Variants in AJAP1 observed in about 807,000 individuals in gnomAD.
AJAP1 encodes adherens junction-associated protein 1.
In AJAP1, 5 loss-of-function variants were observed where a neutral mutation model predicts 35.0. The ratio of observed to expected loss-of-function variants is 0.14; its 90% CI spans 0.07 to 0.30. The LOEUF is 0.30. Among genes scored for constraint, AJAP1 ranks in the 10% least tolerant of loss-of-function variants. AJAP1 has a pLI of 1.00. For synonymous variants in AJAP1, 284 were observed against 249.3 expected, an observed-to-expected ratio of 1.14 and a Z score of -1.31; for missense variants, 586 against 571.0, an observed-to-expected ratio of 1.03 and a Z score of -0.27.
intron 2 of AJAP1, among the ~76,000 whole-genome samples, chr1:4,732,602 A>G (rs984248214): frequency 2.0e-5 from 3 of 152,228 alleles, no homozygotes; most frequent in Non-Finnish European, 4.4e-5. Context: ...CTTACTGTCA[A>G]TGAGAGTGTC....
At chr1:4,748,747 C>CAAAAAAAAAAA (rs70955802) in intron 2 of AJAP1, among the ~76,000 whole-genome samples, 2 of 98,302 alleles carry the variant, frequency 2.0e-5, no homozygotes, top group South Asian at 4.2e-4. Flanking sequence ...GACTCTGTCT[C>CAAAAAAAAAAA]AAAAAAAAAA....
chr1:4,710,348 C>T (rs187526154), intron 1 of AJAP1, among the ~76,000 whole-genome samples: 84 of 152,294 alleles, frequency 5.5e-4, no homozygotes, highest in African/African-American at 1.9e-3. Flanking sequence ...CTCTCACACT[C>T]GTGGACACAC....
chr1:4,658,225 C>T (rs1025218080), intron 1 of AJAP1, among the ~76,000 whole-genome samples: 2 of 152,182 alleles, frequency 1.3e-5, no homozygotes, highest in African/African-American at 4.8e-5. Flanking sequence ...CGAGCTCATT[C>T]CCAGCCCATG....
intron 1 of AJAP1, among the ~76,000 whole-genome samples, chr1:4,710,843 A>C (rs1640214228): frequency 6.6e-6 from 1 of 152,132 alleles, no homozygotes; most frequent in Non-Finnish European, 1.5e-5. Flanking sequence ...CCTGGTTTTC[A>C]TGTGACACCA....
intron 1 of AJAP1, among the ~76,000 whole-genome samples, chr1:4,699,953 C>T (rs570485176): frequency 6.6e-6 from 1 of 152,154 alleles, no homozygotes; most frequent in African/African-American, 2.4e-5. Flanking sequence ...TATCCTACGC[C>T]GTCTTTTTCT....
At chr1:4,673,113 G>T (rs1194547054) in intron 1 of AJAP1, among the ~76,000 whole-genome samples, 1 of 152,202 alleles carries the variant, frequency 6.6e-6, no homozygotes, top group Non-Finnish European at 1.5e-5. Flanking sequence ...ATCTCCAGAA[G>T]GAGACACAGC....
At chr1:4,699,893 C>T (rs954804449) in intron 1 of AJAP1, among the ~76,000 whole-genome samples, 1 of 152,238 alleles carries the variant, frequency 6.6e-6, no homozygotes, top group Non-Finnish European at 1.5e-5. Context: ...ATGCTTAGCT[C>T]ACTGCCTGGT....
At chr1:4,708,660 G>C (rs1557618756) in intron 1 of AJAP1, among the ~76,000 whole-genome samples, 2 of 152,220 alleles carry the variant, frequency 1.3e-5, no homozygotes, top group Non-Finnish European at 2.9e-5. Flanking sequence ...CAGAGATGCA[G>C]CCTCTCACCA....
intron 2 of AJAP1, among the ~76,000 whole-genome samples, chr1:4,756,118 G>A (rs931506575): frequency 6.6e-6 from 1 of 152,184 alleles, no homozygotes; most frequent in Non-Finnish European, 1.5e-5. Context: ...GTTTCGCCAG[G>A]CAGAGGATCT....
At chr1:4,722,352 C>T (rs1034476002) in intron 2 of AJAP1, among the ~76,000 whole-genome samples, 7 of 152,176 alleles carry the variant, frequency 4.6e-5, no homozygotes, top group African/African-American at 1.2e-4. Flanking sequence ...GTCCTGTGCA[C>T]GGCAGGACCT....
At chr1:4,715,481 C>T (rs769698332) in intron 2 of AJAP1, among the ~76,000 whole-genome samples, 1 of 152,160 alleles carries the variant, frequency 6.6e-6, no homozygotes, top group Non-Finnish European at 1.5e-5. Context: ...GTCAGGAGTT[C>T]GAGGCCAGCC....
chr1:4,680,720 G>A (rs1349590155), intron 1 of AJAP1, among the ~76,000 whole-genome samples: 3 of 152,164 alleles, frequency 2.0e-5, no homozygotes, highest in African/African-American at 7.2e-5. Context: ...GTGTTTTCAG[G>A]TGCACTGGAG....
At position 4,658,153 on chromosome 1, in the gene AJAP1, G is replaced by A. The variant is rs558661146; in HGVS notation, c.29+2699G>A. ...ATGCTGTGGCTTCCTCAGGGGCTCC[G>A]AGCGTCCACCTAATACGTTTGCTGG... is the stretch of plus-strand genomic sequence containing the variant. On this transcript the variant is annotated intron_variant, in intron 1 of 5. Transcript: ENST00000378191. Among the ~76,000 whole-genome samples the A allele has an allele frequency of 7.2e-5, 11 of 152,244 alleles. No homozygotes were observed. In the South Asian group the frequency reaches 1.9e-3, roughly 26 times the overall value.
At position 4,693,959 on chromosome 1, in the gene AJAP1, A is replaced by G. The variant is rs896920938; in HGVS notation, c.30-17941A>G. Among the ~76,000 whole-genome samples, 14 of 152,138 alleles carry G rather than the reference A, an allele frequency of 9.2e-5. No homozygotes were observed. The highest frequency in any genetic ancestry group is 8.5e-4 in the Admixed American group (13 of 15,274). On this transcript the variant is annotated intron_variant, in intron 1 of 5. Transcript: ENST00000378191. The surrounding 1 kb of genome is among the most constrained non-coding windows in gnomAD (Gnocchi z 4.4). ...CATTTCCACAGAAGCTTCTGGGGAC[A>G]CTCCAGCCCACTGCAGTGCCGGGAA...
rs1449666741 is a variant in AJAP1, at chr1:4,654,694, G to A, written c.-732G>A. The A allele has an allele frequency of 6.8e-6, 1 of 146,440 alleles. No individual in the cohort carries two copies. Among genetic ancestry groups the A allele is most frequent in the Non-Finnish European group, 1.5e-5 (1 of 65,934 alleles). 9.1% of individuals were successfully genotyped at this position (146,440 alleles called of 1,614,324 possible). Reference sequence around the variant, plus strand: ...CGGGCGGCGGGGCCCCGGGATCCCCGCGCGCCTCCTCCGCGCGGCGCCGCC... The same window carrying A: ...CGGGCGGCGGGGCCCCGGGATCCCCACGCGCCTCCTCCGCGCGGCGCCGCC... On this transcript the variant is annotated 5_prime_UTR_variant, in exon 1 of 6. Coordinates refer to ENST00000378191, the MANE Select transcript of AJAP1 (RefSeq NM_018836.4). This position sits in a 1 kb window ranked among gnomAD's most constrained non-coding sequence, Gnocchi z 5.1.
At chr1:4,672,729 G>A (rs1639276455) in intron 1 of AJAP1, among the ~76,000 whole-genome samples, 2 of 152,206 alleles carry the variant, frequency 1.3e-5, no homozygotes, top group African/African-American at 4.8e-5. Flanking sequence ...CCTGTCCCCA[G>A]AGCTGTGAGC....
At chr1:4,711,773 G>A (rs1640245548) in intron 1 of AJAP1, 127 bp from the exon 2 acceptor site, 1 of 702,550 alleles carries the variant, frequency 1.4e-6, no homozygotes, top group Non-Finnish European at 2.2e-6. Context: ...TTTGAAGTTA[G>A]GAGGAGCTCT....
intron 2 of AJAP1, among the ~76,000 whole-genome samples, chr1:4,762,962 C>T (rs1641603586): frequency 6.6e-6 from 1 of 152,182 alleles, no homozygotes. Flanking sequence ...ACCTCTCTCC[C>T]TCCCTGGCTT....
intron 2 of AJAP1, among the ~76,000 whole-genome samples, chr1:4,748,034 G>T (rs75110002): frequency 0.2 from 29,859 of 150,250 alleles, 3,317 homozygotes; most frequent in Admixed American, 0.31. Context: ...TTTCCTTACT[G>T]TCCAACCCAA....
Sources: gnomAD v4.1 joint callset for allele counts (sites outside exome capture counted in the v4.1 genomes callset) on GRCh38, gnomAD v4.1.1 for gene constraint, Gnocchi (gnomAD v3.1) non-coding constraint, MANE v1.5 for transcripts, NCBI Gene and HGNC (gene_info 2026-07-23, HGNC 2026-07-21) for gene names.